Variants in SORCS3 observed in about 807,000 individuals in gnomAD.
SORCS3 encodes sortilin related VPS10 domain containing receptor 3, also known as VPS10 domain-containing receptor SorCS3.
A neutral mutation model predicts 146.3 loss-of-function variants in SORCS3; 57 were observed. That is an observed-to-expected ratio of 0.39 (90% confidence interval 0.31 to 0.49). SORCS3 has a LOEUF of 0.49. Among genes scored for constraint, SORCS3 ranks in the 20% least tolerant of loss-of-function variants. The pLI is 0.92. For synonymous variants in SORCS3, 653 were observed against 618.5 expected, an observed-to-expected ratio of 1.06 and a Z score of -0.83; for missense variants, 1,341 against 1,575.5, an observed-to-expected ratio of 0.85 and a Z score of 2.52.
At chr10:105,102,183 C>T (rs913181548) in intron 6 of SORCS3, among the ~76,000 whole-genome samples, 27 of 152,172 alleles carry the variant, frequency 1.8e-4, no homozygotes, top group African/African-American at 6.3e-4. Context: ...AAGGTCATGA[C>T]CAAATTGCAG....
intron 7 of SORCS3, among the ~76,000 whole-genome samples, chr10:105,120,243 C>T (rs1263509385): frequency 1.3e-5 from 2 of 152,126 alleles, no homozygotes; most frequent in East Asian, 3.9e-4. Context: ...TCCCCTTCAC[C>T]TTCTGCTGTG....
In SORCS3 at chr10:105,264,217, C is replaced by T. The variant is rs1589717725; in HGVS notation, c.*843C>T. 1 of 151,842 alleles carries T rather than the reference C, an allele frequency of 6.6e-6. No individual in the cohort carries two copies. Among genetic ancestry groups the T allele is most frequent in the South Asian group, 2.1e-4 (1 of 4,806 alleles). 9.4% of individuals were successfully genotyped at this position (151,842 alleles called of 1,614,324 possible). A position where few individuals can be genotyped will look rare whatever the true frequency, so the allele number is the denominator to read the frequency against. On this transcript the variant is annotated 3_prime_UTR_variant, in exon 27 of 27. Coordinates refer to ENST00000369701, the MANE Select transcript of SORCS3 (RefSeq NM_014978.3). ...TAGTGACATCATAGAACATGGCAGT[C>T]GTTTTTGTTCCAAGAATGATATGAA... is the stretch of plus-strand genomic sequence containing the variant.
intron 1 of SORCS3, among the ~76,000 whole-genome samples, chr10:104,817,290 T>C (rs983611213): frequency 2.6e-5 from 4 of 152,030 alleles, no homozygotes; most frequent in Non-Finnish European, 4.4e-5. Flanking sequence ...CAATTTTCAA[T>C]TGGCAATCAT....
At chr10:104,872,095 C>A (rs2018524728) in intron 2 of SORCS3, among the ~76,000 whole-genome samples, 1 of 152,144 alleles carries the variant, frequency 6.6e-6, no homozygotes, top group East Asian at 1.9e-4. Context: ...CTCTGTCAAC[C>A]AAATCCTACT....
chr10:105,112,048 T>C (rs1406111312), intron 7 of SORCS3, among the ~76,000 whole-genome samples: 1 of 152,224 alleles, frequency 6.6e-6, no homozygotes, highest in Non-Finnish European at 1.5e-5. Flanking sequence ...TAGATAATGT[T>C]GTGTTCCCCT....
chr10:104,906,656 T>A (rs1302999732), intron 2 of SORCS3, among the ~76,000 whole-genome samples: 1 of 152,180 alleles, frequency 6.6e-6, no homozygotes, highest in Non-Finnish European at 1.5e-5. Context: ...TGAATCCAAA[T>A]CTCCTTGACT....
chr10:104,700,851 A>G (rs67700133), intron 1 of SORCS3, among the ~76,000 whole-genome samples: 1 of 152,158 alleles, frequency 6.6e-6, no homozygotes, highest in Admixed American at 6.5e-5. Context: ...ACAGGGACCT[A>G]TTGGATCTCA....
At chr10:105,204,377 C>A (rs1462590128) in intron 16 of SORCS3, among the ~76,000 whole-genome samples, 1 of 152,038 alleles carries the variant, frequency 6.6e-6, no homozygotes, top group Non-Finnish European at 1.5e-5. Flanking sequence ...AATAAAGTTT[C>A]CAAGTTTACT....
At chr10:104,715,461 C>G (rs1259979712) in intron 1 of SORCS3, among the ~76,000 whole-genome samples, 2 of 152,166 alleles carry the variant, frequency 1.3e-5, no homozygotes, top group East Asian at 3.9e-4. Flanking sequence ...ATTGGCTTTC[C>G]TGGTTCTTCA....
At chr10:104,857,904 TGGGC>T (rs1241323312) in intron 2 of SORCS3, among the ~76,000 whole-genome samples, 1 of 152,212 alleles carries the variant, frequency 6.6e-6, no homozygotes, top group Non-Finnish European at 1.5e-5. Context: ...GGTGAGGATC[TGGGC>T]GGTCGGTAGG....
chr10:105,202,470 T>C (rs1589686340), intron 16 of SORCS3, among the ~76,000 whole-genome samples: 1 of 152,256 alleles, frequency 6.6e-6, no homozygotes, highest in East Asian at 1.9e-4. Context: ...AGCAAAAATA[T>C]CAGCTTCTCA....
intron 1 of SORCS3, among the ~76,000 whole-genome samples, chr10:104,802,518 GA>G (rs1458190980): frequency 6.6e-6 from 1 of 152,222 alleles, no homozygotes; most frequent in Admixed American, 6.5e-5. Context: ...GCAAAGCTGG[GA>G]AAGTGGGGAG....
At chr10:104,814,097 A>G (rs1305699959) in intron 1 of SORCS3, among the ~76,000 whole-genome samples, 1 of 151,980 alleles carries the variant, frequency 6.6e-6, no homozygotes, top group South Asian at 2.1e-4. Context: ...TCTTACCTGA[A>G]TAGCTTCTAA....
chr10:104,734,581 A>G (rs369564182), intron 1 of SORCS3, among the ~76,000 whole-genome samples: 52 of 152,364 alleles, frequency 3.4e-4, no homozygotes, highest in African/African-American at 1.1e-3. Context: ...ATTGTTACTC[A>G]GGCTGTGGGT....
intron 3 of SORCS3, among the ~76,000 whole-genome samples, chr10:104,940,227 TATATATATA>T (rs1190070813): frequency 3.4e-4 from 6 of 17,746 alleles, no homozygotes; most frequent in Non-Finnish European, 4.8e-4. Flanking sequence ...TATATATATA[TATATATATA>T]TATTTTTTTT....
At chr10:105,243,036 C>T (rs1281465068) in intron 20 of SORCS3, among the ~76,000 whole-genome samples, 1 of 129,392 alleles carries the variant, frequency 7.7e-6, no homozygotes, top group South Asian at 2.3e-4. Flanking sequence ...TATATATTTA[C>T]ATATATTTAT....
At chr10:104,892,790 C>T (rs1415233422) in intron 2 of SORCS3, among the ~76,000 whole-genome samples, 29 of 152,060 alleles carry the variant, frequency 1.9e-4, no homozygotes, top group Admixed American at 1.8e-3. Context: ...GAGTTCTTTC[C>T]TCCCACTTTA....
intron 20 of SORCS3, among the ~76,000 whole-genome samples, chr10:105,223,744 G>A (rs187412053): frequency 5.1e-4 from 78 of 152,276 alleles, no homozygotes; most frequent in African/African-American, 1.8e-3. Flanking sequence ...AGGTTGCCAC[G>A]TCTCAAAGAA....
chr10:104,849,148 T>C (rs1285120122), intron 2 of SORCS3, among the ~76,000 whole-genome samples: 2 of 152,140 alleles, frequency 1.3e-5, no homozygotes, highest in African/African-American at 4.8e-5. Context: ...TGGTGGCTCA[T>C]GCCTGAAATC....
Sources: allele counts gnomAD v4.1 joint callset (sites outside exome capture counted in the v4.1 genomes callset), GRCh38; gene constraint gnomAD v4.1.1; transcripts MANE v1.5; gene names NCBI Gene and HGNC (gene_info 2026-07-23, HGNC 2026-07-21).